HERC4: variants seen among roughly 807,000 people sequenced by gnomAD.
The protein encoded by HERC4 is HECT and RLD domain containing E3 ubiquitin protein ligase 4.
Under a neutral mutation model 124.3 loss-of-function variants are expected in HERC4, and 28 were observed. The observed-to-expected ratio is 0.23, with a 90% CI of 0.17 to 0.31. The LOEUF is 0.31. Among genes scored for constraint, HERC4 ranks in the 10% least tolerant of loss-of-function variants. The pLI is 1.00. For synonymous variants in HERC4, 407 were observed against 421.5 expected (o/e 0.97, Z 0.42); for missense variants, 713 against 1,229.3 (o/e 0.58, Z 6.28).
chr10:67,999,924 CCTA>C (rs2037125552), intron 9 of HERC4, among the ~76,000 whole-genome samples: 1 of 152,114 alleles, frequency 6.6e-6, no homozygotes. Flanking sequence ...TGTCCCCTTT[CCTA>C]CTACAATATA....
At chr10:68,068,919 A>T in intron 3 of HERC4, 1 of 370,972 alleles carries the variant, frequency 2.7e-6, no homozygotes. Flanking sequence ...TTAGCTACAT[A>T]CAACTGTTGT....
intron 4 of HERC4, among the ~76,000 whole-genome samples, chr10:68,043,560 A>C (rs140068391): frequency 3.7e-4 from 56 of 152,266 alleles, no homozygotes; most frequent in Non-Finnish European, 7.6e-4. Context: ...TCACGCCTAT[A>C]ATCATGAGTA....
intron 15 of HERC4, among the ~76,000 whole-genome samples, chr10:67,983,962 C>CA (rs1230641952): frequency 1.1e-4 from 17 of 149,764 alleles, no homozygotes; most frequent in South Asian, 6.4e-4. Flanking sequence ...GATTCCATCT[C>CA]AAAAAAAAAG....
At chr10:68,068,273 TC>T (rs2041394325) in intron 3 of HERC4, 1 of 151,778 alleles carries the variant, frequency 6.6e-6, no homozygotes, top group African/African-American at 2.4e-5. Context: ...TCACCTGAGG[TC>T]AGGAGTTCGA....
At chr10:67,924,894 C>T (rs1278703503) in intron 24 of HERC4, among the ~76,000 whole-genome samples, 191 bp downstream of exon 24, 2 of 152,192 alleles carry the variant, frequency 1.3e-5, no homozygotes, top group African/African-American at 4.8e-5. Flanking sequence ...TTCCATTTTA[C>T]TTCATAGAAT....
intron 23 of HERC4, among the ~76,000 whole-genome samples, chr10:67,930,891 G>A (rs2031724645): frequency 6.6e-6 from 1 of 151,998 alleles, no homozygotes; most frequent in African/African-American, 2.4e-5. Context: ...TGTTGGCCAG[G>A]CTGGTCTCCA....
chr10:67,963,878 T>C (rs558685526), intron 16 of HERC4, among the ~76,000 whole-genome samples: 5 of 152,272 alleles, frequency 3.3e-5, no homozygotes, highest in South Asian at 4.1e-4. Flanking sequence ...CATTTAAAGA[T>C]AGAAAATTAG....
chr10:68,054,331 G>T (rs1467410365), intron 3 of HERC4, among the ~76,000 whole-genome samples: 3 of 150,572 alleles, frequency 2.0e-5, no homozygotes, highest in South Asian at 2.1e-4. Flanking sequence ...AACTGAATGT[G>T]CAGTTGAAGT....
chr10:68,049,186 T>TA (rs543587475), intron 3 of HERC4, among the ~76,000 whole-genome samples: 352 of 146,298 alleles, frequency 2.4e-3, no homozygotes, highest in Non-Finnish European at 3.6e-3. Context: ...GCTCTGCAAT[T>TA]AAAAAAAAAA....
intron 19 of HERC4, among the ~76,000 whole-genome samples, chr10:67,946,606 G>C (rs191103763): frequency 3.4e-4 from 51 of 152,164 alleles, no homozygotes; most frequent in African/African-American, 1.0e-3. Context: ...TAAGCAAGAA[G>C]ATATAACAAT....
chr10:68,057,046 T>C (rs1054238512), intron 3 of HERC4, among the ~76,000 whole-genome samples: 22 of 152,206 alleles, frequency 1.4e-4, no homozygotes, highest in Admixed American at 2.0e-4. Flanking sequence ...GCTTCCATTT[T>C]AAATGTTCCT....
At chr10:67,933,063 C>T (rs2031993533) in intron 22 of HERC4, among the ~76,000 whole-genome samples, 1 of 152,038 alleles carries the variant, frequency 6.6e-6, no homozygotes, top group South Asian at 2.1e-4. Flanking sequence ...ATGCAAATGG[C>T]TATGAAAATA....
chr10:67,981,864 CG>C (rs957978079), intron 15 of HERC4, among the ~76,000 whole-genome samples: 4 of 151,962 alleles, frequency 2.6e-5, no homozygotes, highest in Non-Finnish European at 4.4e-5. Flanking sequence ...TCACTTGAAT[CG>C]GGGGGGTGGA....
chr10:68,039,628 C>A (rs1335752447), intron 4 of HERC4: 2 of 1,375,614 alleles, frequency 1.5e-6, no homozygotes, highest in South Asian at 1.9e-5. Context: ...TTAGCAGAAT[C>A]CAACAAATTA....
rs148764489 is a variant in HERC4, at chr10:68,044,459, C to T, written c.331G>A (p.Asp111Asn). Residue 111 changes from aspartate to asparagine, a missense_variant, in exon 4 of 25, where the codon GAT becomes AAT. Transcript: ENST00000373700. The stretch of plus-strand genomic sequence containing the variant: ...ACCAGGCCAAGCTGTCCATCAGAAT[C>T]GAGACCCCAAGCATACACCTGGCCT... ...DKGQVYAWGL[D>N]SDGQLGLVGS... 63 of 1,613,948 alleles carry T rather than the reference C, an allele frequency of 3.9e-5. 1 individual carries two copies. In the Admixed American group the frequency reaches 5.2e-4, roughly 13 times the overall value.
chr10:68,010,299 T>C lies in HERC4; in HGVS notation c.1069+3727A>G. On this transcript the variant is annotated intron_variant, in intron 9 of 24. Transcript: ENST00000373700. ...CAGTGCAGTGCAATGAGGGCTCCCA[T>C]AGCCTGGGGTACCAAAATGGGAGCC... 3.1e-6 allele frequency: 3 copies of C among 968,820 alleles called. No individual in the cohort carries two copies. The South Asian group carries it at 4.1e-5, about 13-fold the overall frequency. 60.0% of individuals were successfully genotyped at this position (968,820 alleles called of 1,614,324 possible).
chr10:68,059,501 T>TAAC (rs2040745629), intron 3 of HERC4, among the ~76,000 whole-genome samples: 4 of 118,444 alleles, frequency 3.4e-5, no homozygotes, highest in African/African-American at 1.2e-4. Flanking sequence ...TAACATTATA[T>TAAC]ATTATAATAT....
chr10:67,926,417 A>T (rs1186653654), intron 23 of HERC4, among the ~76,000 whole-genome samples: 5 of 139,896 alleles, frequency 3.6e-5, no homozygotes, highest in African/African-American at 8.4e-5. Context: ...AATAAAAAAT[A>T]AAAAAAAAAA....
intron 21 of HERC4, among the ~76,000 whole-genome samples, chr10:67,936,490 T>C (rs1012487157): frequency 6.6e-6 from 1 of 152,204 alleles, no homozygotes; most frequent in African/African-American, 2.4e-5. Context: ...TAAGCATTTG[T>C]TGTGCATAAA....
Sources: gnomAD v4.1 joint callset for allele counts (sites outside exome capture counted in the v4.1 genomes callset) on GRCh38, gnomAD v4.1.1 for gene constraint, MANE v1.5 for transcripts, NCBI Gene and HGNC (gene_info 2026-07-23, HGNC 2026-07-21) for gene names.